SLC25A23: variants seen among roughly 807,000 people sequenced by gnomAD.
SLC25A23 encodes mitochondrial adenyl nucleotide antiporter SLC25A23.
Under a neutral mutation model 53.9 loss-of-function variants are expected in SLC25A23, and 32 were observed. The observed-to-expected ratio is 0.59, with a 90% confidence interval of 0.45 to 0.80. The LOEUF (loss-of-function observed/expected upper bound fraction) is 0.80. Among genes scored for constraint, SLC25A23 ranks in the 30% least tolerant of loss-of-function variants. The pLI is 0.00. For synonymous variants in SLC25A23, 275 were observed against 264.5 expected (o/e 1.04, Z -0.38); for missense variants, 575 against 651.4 (o/e 0.88, Z 1.28).
intron 2 of SLC25A23, among the ~76,000 whole-genome samples, chr19:6,457,954 T>C (rs1221013448): frequency 2.0e-5 from 3 of 152,082 alleles, no homozygotes; most frequent in Admixed American, 6.5e-5. Context: ...CTTTGCCCCA[T>C]AGAAAAATCT....
chr19:6,446,292 G>A (rs1255267862), intron 8 of SLC25A23, among the ~76,000 whole-genome samples: 1 of 151,348 alleles, frequency 6.6e-6, no homozygotes, highest in South Asian at 2.1e-4. Context: ...GAACCGGGGA[G>A]GCGGAGGTTG....
chr19:6,439,258 C>T (rs767115598), downstream of SLC25A23, among the ~76,000 whole-genome samples: 6 of 151,694 alleles, frequency 4.0e-5, no homozygotes, highest in Middle Eastern at 3.2e-3. Context: ...CGTGTGCCTG[C>T]GGTCCCTGTG....
chr19:6,449,173 C>T (rs1364044585), intron 8 of SLC25A23, among the ~76,000 whole-genome samples: 1 of 152,038 alleles, frequency 6.6e-6, no homozygotes, highest in African/African-American at 2.4e-5. Context: ...TTTCTAAAAC[C>T]TCTTAGACTT....
chr19:6,437,507 G>C (rs1233235128), downstream of SLC25A23, among the ~76,000 whole-genome samples: 1 of 152,158 alleles, frequency 6.6e-6, no homozygotes, highest in Non-Finnish European at 1.5e-5. Context: ...GATGACTGCT[G>C]TCCTTACAAG....
intron 9 of SLC25A23, chr19:6,443,523 C>T (rs930781553): frequency 1.7e-5 from 12 of 693,316 alleles, no homozygotes; most frequent in Middle Eastern, 2.4e-4. Context: ...CCACTGTGCC[C>T]GGCCTCCTTC....
chr19:6,456,218 G>C, intron 4 of SLC25A23: 1 of 1,057,900 alleles, frequency 9.5e-7, no homozygotes, highest in Non-Finnish European at 1.3e-6. Flanking sequence ...GCTTCAATCA[G>C]ACAGCAGAGA....
downstream of SLC25A23, chr19:6,438,967 G>T (rs1444262831): frequency 6.2e-6 from 1 of 162,438 alleles, no homozygotes; most frequent in African/African-American, 2.4e-5. Context: ...CTTGAACCTG[G>T]GAGGCAGAGG....
At position 6,454,415 on chromosome 19, in the gene SLC25A23, C is replaced by T; in HGVS notation, c.703G>A (p.Glu235Lys). 6.2e-7 allele frequency: 1 copy of T among 1,614,218 alleles called. No individual in the cohort carries two copies. The highest frequency in any genetic ancestry group is 8.5e-7 in the Non-Finnish European group (1 of 1,180,042). The change falls in exon 6 of 10, where the codon GAG becomes AAG. Residue 235 changes from glutamate (E) to lysine (K), a missense_variant. Transcript: ENST00000301454. This position sits in a 1 kb window ranked among gnomAD's most constrained non-coding sequence, Gnocchi z 4.3. ...CGCCACAGGGAGCGGATGCCTCCCTCAAGGACCATGCTTCGAAGCCCCCCA... is the reference window on the plus strand; with the variant it reads ...CGCCACAGGGAGCGGATGCCTCCCTTAAGGACCATGCTTCGAAGCCCCCCA... ...ILGGLRSMVLEGGIRSLWRGN... is the reference protein window; with the variant it reads ...ILGGLRSMVLKGGIRSLWRGN...
chr19:6,446,095 TC>T (rs67842430), intron 8 of SLC25A23, among the ~76,000 whole-genome samples: 25,783 of 151,038 alleles, frequency 0.17, 5,362 homozygotes, highest in African/African-American at 0.5. Flanking sequence ...GGGCCTGGCG[TC>T]CTCACACTGG....
downstream of SLC25A23, chr19:6,438,680 C>G (rs1299752326): frequency 1.5e-5 from 3 of 199,558 alleles, no homozygotes; most frequent in Non-Finnish European, 3.3e-5. Flanking sequence ...AATACCTGGT[C>G]TCTACTAAAA....
At chr19:6,449,605 G>A (rs1214489409) in intron 8 of SLC25A23, among the ~76,000 whole-genome samples, 1 of 151,906 alleles carries the variant, frequency 6.6e-6, no homozygotes, top group African/African-American at 2.4e-5. Context: ...TAGTAGAGAT[G>A]GGGTTTCACC....
downstream of SLC25A23, among the ~76,000 whole-genome samples, chr19:6,439,414 CACACACACACACACACACACAG>C (rs2092383854): frequency 1.3e-5 from 2 of 151,370 alleles, no homozygotes; most frequent in African/African-American, 4.9e-5. Context: ...CACACACACA[CACACACACACACACACACACAG>C]ACACACAAAT....
At chr19:6,449,960 C>T (rs952172099) in intron 8 of SLC25A23, among the ~76,000 whole-genome samples, 5 of 149,498 alleles carry the variant, frequency 3.3e-5, no homozygotes, top group African/African-American at 1.0e-4. Flanking sequence ...TGGGTTCAAG[C>T]GATTCTCCTA....
chr19:6,457,337 G>C (rs557563216), intron 3 of SLC25A23, among the ~76,000 whole-genome samples, 166 bp downstream of exon 3: 1 of 152,126 alleles, frequency 6.6e-6, no homozygotes, highest in South Asian at 2.1e-4. Context: ...AAAGTGCTGG[G>C]GTTACAGATG....
chr19:6,438,513 G>A (rs532001593), downstream of SLC25A23: 5 of 153,112 alleles, frequency 3.3e-5, no homozygotes, highest in African/African-American at 1.2e-4. Context: ...TTCGAGATGA[G>A]CCTGGGCAAC....
rs1190308636 is a variant in SLC25A23 at position 6,441,724 on chromosome 19, CA to C, written c.*250del. ...AGTAAGGGATCCACAGTTATGGTTA[CA>C]GGGGGATCTGGGATCTAGTGGCTGA... On this transcript the variant is annotated 3_prime_UTR_variant, in exon 10 of 10. Transcript: ENST00000301454. 1.9e-6 allele frequency: 1 copy of C among 538,288 alleles called. No individual in the cohort carries two copies. 33.3% of individuals were successfully genotyped at this position (538,288 alleles called of 1,614,324 possible).
chr19:6,459,429 C>G lies in SLC25A23; in HGVS notation c.156+44G>C. On this transcript the variant is annotated intron_variant, in intron 1 of 9. Coordinates refer to ENST00000301454, the MANE Select transcript of SLC25A23 (RefSeq NM_024103.3). This position sits in a 1 kb window ranked among gnomAD's most constrained non-coding sequence, Gnocchi z 4.6. ...GTTCAGGGGCTTGGGTAACCGGGAG[C>G]GGGCGGGGCCGGGAGGGGAGGAGGT... 1 of 1,519,304 alleles carries G rather than the reference C, an allele frequency of 6.6e-7. No individual in the cohort carries two copies. The highest frequency in any genetic ancestry group is 8.8e-7 in the Non-Finnish European group (1 of 1,137,130). 94.1% of individuals were successfully genotyped at this position (1,519,304 alleles called of 1,614,324 possible). A position where few individuals can be genotyped will look rare whatever the true frequency, so the allele number is the denominator to read the frequency against.
rs749401695 is a variant in SLC25A23 at position 6,442,114 on chromosome 19, C to T, written c.1268G>A (p.Arg423His). The T allele has an allele frequency of 1.5e-5, 24 of 1,585,166 alleles. No homozygotes were observed. The highest frequency in any genetic ancestry group is 1.7e-4 in the Middle Eastern group (1 of 5,912). ...GPQLSMLGLL[R>H]HILSQEGMRG... ...CATGCCCTCCTGGGACAGGATGTGA[C>T]GTAGCAGACCCAGCATGGACAGCTG... The change falls in exon 10 of 10, where the codon CGT becomes CAT. Residue 423 changes from arginine to histidine, a missense_variant. Transcript: ENST00000301454.
In SLC25A23 at chr19:6,443,603, G is replaced by A. The variant is rs753939799; in HGVS notation, c.1222+548C>T. On this transcript the variant is annotated intron_variant, in intron 9 of 9. Coordinates refer to ENST00000301454, the MANE Select transcript of SLC25A23 (RefSeq NM_024103.3). ...TTATTTAGCATCTTCCTTCCTCTCCGGCCTGTGAGCTCTATGAGGGTGGGG... is the reference window on the plus strand; with the variant it reads ...TTATTTAGCATCTTCCTTCCTCTCCAGCCTGTGAGCTCTATGAGGGTGGGG... 1.3e-5 allele frequency: 9 copies of A among 702,430 alleles called. No individual in the cohort carries two copies. The East Asian group carries it at 1.6e-4, about 13-fold the overall frequency. The allele number at this position is 702,430 out of a possible 1,614,324, so 43.5% of individuals were successfully genotyped here. A position where few individuals can be genotyped will look rare whatever the true frequency, so the allele number is the denominator to read the frequency against.
Sources: gnomAD v4.1 joint callset for allele counts (sites outside exome capture counted in the v4.1 genomes callset) on GRCh38, gnomAD v4.1.1 for gene constraint, Gnocchi (gnomAD v3.1) non-coding constraint, MANE v1.5 for transcripts, NCBI Gene and HGNC (gene_info 2026-07-23, HGNC 2026-07-21) for gene names.